The following GOLGA4 variants were observed in gnomAD, a reference collection of about 807,000 sequenced individuals.
The protein encoded by GOLGA4 is golgin A4.
A neutral mutation model predicts 265.9 loss-of-function variants in GOLGA4; 169 were observed. The ratio of observed to expected loss-of-function variants is 0.64; its 90% CI spans 0.56 to 0.72. The LOEUF is 0.72. GOLGA4 is among the 30% of genes least tolerant of loss of function. GOLGA4 has a pLI of 0.00. For synonymous variants in GOLGA4, 923 were observed against 855.8 expected (o/e 1.08, Z -1.37); for missense variants, 2,482 against 2,483.4 (o/e 1.00, Z 0.01).
chr3:37,275,642 G>C, intron 2 of GOLGA4: 2 of 1,602,364 alleles, frequency 1.2e-6, no homozygotes, highest in South Asian at 1.1e-5. Flanking sequence ...CTCCAGCTTC[G>C]CCCACTTCCC....
chr3:37,328,233 GACAC>G (rs4021346), intron 14 of GOLGA4, among the ~76,000 whole-genome samples, 179 bp from the exon 15 acceptor site: 4,130 of 138,448 alleles, frequency 0.03, 108 homozygotes, highest in African/African-American at 0.069. Flanking sequence ...TATGTACCTG[GACAC>G]ACACACACAC....
intron 11 of GOLGA4, among the ~76,000 whole-genome samples, chr3:37,316,801 T>C (rs530257978): frequency 5.3e-5 from 8 of 151,590 alleles, no homozygotes; most frequent in African/African-American, 1.9e-4. Context: ...TCTTCTCTGA[T>C]TTTTTTTTCT....
intron 2 of GOLGA4, among the ~76,000 whole-genome samples, chr3:37,262,189 A>T (rs978715725): frequency 5.3e-5 from 8 of 152,212 alleles, no homozygotes; most frequent in Admixed American, 2.6e-4. Context: ...GACTAGATGG[A>T]TACGAAAAAT....
rs2096877784 is a variant in GOLGA4, at chr3:37,296,162, C to A, written c.757C>A (p.Pro253Thr). 1 of 1,613,272 alleles carries A rather than the reference C, an allele frequency of 6.2e-7. No individual in the cohort carries two copies. Among genetic ancestry groups the A allele is most frequent in the African/African-American group, 1.3e-5 (1 of 75,026 alleles). ...ACTGAAACCACTTCCTCAGCTGGAACCACAGGCTGAAGTCTTCACTAAAGA... is the reference window on the plus strand; with the variant it reads ...ACTGAAACCACTTCCTCAGCTGGAAACACAGGCTGAAGTCTTCACTAAAGA... Reference protein sequence around the residue: ...DVLKPLPQLEPQAEVFTKEEN... With the variant: ...DVLKPLPQLETQAEVFTKEEN... The change falls in exon 7 of 24, where the codon CCA becomes ACA. Residue 253 changes from proline to threonine, a missense_variant. By Grantham distance (38) the Pro-to-Thr change is conservative. Coordinates refer to ENST00000361924, the MANE Select transcript of GOLGA4 (RefSeq NM_002078.5).
At chr3:37,343,801 G>A (rs1403352881) in intron 20 of GOLGA4, among the ~76,000 whole-genome samples, 1 of 152,178 alleles carries the variant, frequency 6.6e-6, no homozygotes, top group African/African-American at 2.4e-5. Context: ...ACTTCATAAA[G>A]GAAGTTGTGT....
At position 37,243,464 on chromosome 3, in the gene GOLGA4, A is replaced by T; in HGVS notation, c.-87A>T. Reference sequence around the variant, plus strand: ...GGCCCCCGCTGTCCCTGGTGTAAAGAAGTCGCCGTAGCCGTCGCGGCCGGG... The same window carrying T: ...GGCCCCCGCTGTCCCTGGTGTAAAGTAGTCGCCGTAGCCGTCGCGGCCGGG... On this transcript the variant is annotated 5_prime_UTR_variant, in exon 1 of 24. Transcript: ENST00000361924. 8.9e-7 allele frequency: 1 copy of T among 1,129,724 alleles called. No homozygotes were observed. The highest frequency in any genetic ancestry group is 1.3e-6 in the Non-Finnish European group (1 of 740,932). The allele number at this position is 1,129,724 out of a possible 1,614,324, so 70.0% of individuals were successfully genotyped here.
intron 4 of GOLGA4, among the ~76,000 whole-genome samples, chr3:37,286,771 TATC>T (rs1335849940): frequency 2.1e-4 from 32 of 152,244 alleles, no homozygotes; most frequent in African/African-American, 7.7e-4. Flanking sequence ...ATCTGTTTCT[TATC>T]ATTATATCAG....
At chr3:37,291,883 G>GTT (rs575804669) in intron 5 of GOLGA4, among the ~76,000 whole-genome samples, 1 of 146,428 alleles carries the variant, frequency 6.8e-6, no homozygotes. Context: ...GAATTTGTTG[G>GTT]TTTTTTTTTT....
chr3:37,299,857 C>A (rs534481164), intron 9 of GOLGA4, among the ~76,000 whole-genome samples: 99 of 150,256 alleles, frequency 6.6e-4, no homozygotes, highest in Non-Finnish European at 7.7e-4. Context: ...CAAGATCAAC[C>A]TGGGCAGTAA....
At chr3:37,284,223 G>A (rs1475394067) in intron 3 of GOLGA4, among the ~76,000 whole-genome samples, 2 of 152,108 alleles carry the variant, frequency 1.3e-5, no homozygotes, top group East Asian at 1.9e-4. Context: ...AGGGATACAT[G>A]TTCAGGATGT....
Position 37,276,156 on chromosome 3 carries a change from G to T in GOLGA4, c.163-5802G>T, listed in dbSNP as rs2096817813. On this transcript the variant is annotated intron_variant, in intron 2 of 23. Coordinates refer to ENST00000361924, the MANE Select transcript of GOLGA4 (RefSeq NM_002078.5). ...ATGCTTGCTGCAGCTCTTCGAACAG[G>T]GGATGACTACATTGCAATTGGAGCT... The T allele has an allele frequency of 7.5e-6, 12 of 1,602,836 alleles. No individual in the cohort carries two copies. In the South Asian group the frequency reaches 1.2e-4, roughly 16 times the overall value.
Position 37,295,029 on chromosome 3 carries a change from T to C in GOLGA4, c.633T>C (p.Asp211=), listed in dbSNP as rs144791036. The part of the protein sequence containing the change: ...QAKKHLQEEF[D]ASLEEKDQYI... ...AGAAACATCTGCAAGAGGAGTTTGATGCATCTTTAGAGGAGAAAGATCAGT... is the reference window on the plus strand; with the variant it reads ...AGAAACATCTGCAAGAGGAGTTTGACGCATCTTTAGAGGAGAAAGATCAGT... Residue 211 remains aspartate, a synonymous_variant, in exon 6 of 24, where the codon GAT becomes GAC. Transcript: ENST00000361924. The C allele has an allele frequency of 1.2e-6, 2 of 1,610,820 alleles. No homozygotes were observed. The highest frequency in any genetic ancestry group is 2.7e-5 in the African/African-American group (2 of 74,934).
At chr3:37,243,675 C>T in intron 1 of GOLGA4, 53 bp downstream of exon 1, 1 of 1,453,796 alleles carries the variant, frequency 6.9e-7, no homozygotes, top group Non-Finnish European at 9.6e-7. Context: ...TTGAACCGGC[C>T]CGCGGACGAA....
chr3:37,362,229 AT>A (rs1559479458), intron 23 of GOLGA4, among the ~76,000 whole-genome samples: 698 of 46,416 alleles, frequency 0.015, 6 homozygotes, highest in African/African-American at 0.026. Flanking sequence ...TTATTTATTT[AT>A]TTATTTATTA....
intron 15 of GOLGA4, 105 bp from the exon 16 acceptor site, chr3:37,328,858 A>G: frequency 1.0e-6 from 1 of 953,294 alleles, no homozygotes. Context: ...ATAAAATTAA[A>G]TTTCATCAAA....
At chr3:37,286,911 A>G (rs774740296) in intron 4 of GOLGA4, among the ~76,000 whole-genome samples, 1 of 152,208 alleles carries the variant, frequency 6.6e-6, no homozygotes, top group Non-Finnish European at 1.5e-5. Flanking sequence ...TGGCCCCACT[A>G]TGTCATCCTG....
chr3:37,282,418 T>C (rs2096837295), intron 3 of GOLGA4, 146 bp downstream of exon 3: 1 of 644,736 alleles, frequency 1.6e-6, no homozygotes, highest in Non-Finnish European at 2.7e-6. Flanking sequence ...GTCTGTGGCA[T>C]TATCTAGTTA....
chr3:37,243,464 A>G lies in GOLGA4; in HGVS notation c.-87A>G, dbSNP rs543118615. 4.4e-6 allele frequency: 5 copies of G among 1,129,724 alleles called. No individual in the cohort carries two copies. The African/African-American group carries it at 7.6e-5, about 17-fold the overall frequency. The allele number at this position is 1,129,724 out of a possible 1,614,324, so 70.0% of individuals were successfully genotyped here. On this transcript the variant is annotated 5_prime_UTR_variant, in exon 1 of 24. Coordinates refer to ENST00000361924, the MANE Select transcript of GOLGA4 (RefSeq NM_002078.5). ...GGCCCCCGCTGTCCCTGGTGTAAAG[A>G]AGTCGCCGTAGCCGTCGCGGCCGGG...
chr3:37,291,345 T>C (rs189708674), intron 5 of GOLGA4, among the ~76,000 whole-genome samples: 51 of 152,166 alleles, frequency 3.4e-4, no homozygotes, highest in Non-Finnish European at 2.9e-5. Context: ...CTCAAGAAAA[T>C]ACAGCTGAAT....
Sources: allele counts gnomAD v4.1 joint callset (sites outside exome capture counted in the v4.1 genomes callset), GRCh38; gene constraint gnomAD v4.1.1; transcripts MANE v1.5; gene names NCBI Gene and HGNC (gene_info 2026-07-23, HGNC 2026-07-21).